The following BPNT1 variants were observed in gnomAD, a reference collection of about 807,000 sequenced individuals.
BPNT1 encodes the protein 3'(2'), 5'-bisphosphate nucleotidase 1, also known as 3'(2'),5'-bisphosphate nucleotidase 1.
A neutral mutation model predicts 36.9 loss-of-function variants in BPNT1; 28 were observed. The observed-to-expected ratio is 0.76, with a 90% CI of 0.56 to 1.04. The LOEUF (loss-of-function observed/expected upper bound fraction) is 1.04, where lower values mean the gene tolerates loss of function less well. Ranked by LOEUF, BPNT1 falls within the 50% of genes least tolerant of loss-of-function variation. The pLI is 0.00. For missense variants in BPNT1, 313 were observed against 372.9 expected (o/e 0.84, Z 1.32); for synonymous variants, 119 against 130.9 (o/e 0.91, Z 0.62).
chr1:220,064,965 G>A (rs1330962231), intron 6 of BPNT1, among the ~76,000 whole-genome samples: 1 of 152,074 alleles, frequency 6.6e-6, no homozygotes, highest in African/African-American at 2.4e-5. Flanking sequence ...ATGCCACCAT[G>A]TCCGGCTAAT....
At position 220,058,736 on chromosome 1, in the gene BPNT1, C is replaced by T. The variant is rs139069201; in HGVS notation, c.*108G>A. The T allele has an allele frequency of 4.8e-4, 549 of 1,143,834 alleles. 2 individuals are homozygous for T. The African/African-American group carries it at 6.9e-3, about 14-fold the overall frequency. The allele number at this position is 1,143,834 out of a possible 1,614,324, so 70.9% of individuals were successfully genotyped here. ...TAGAGATGGGGTCTCACGATATTGC[C>T]CAGGCTGGTCTCAAACTCCTGAGCT... On this transcript the variant is annotated 3_prime_UTR_variant, in exon 9 of 9. Transcript: ENST00000322067.
intron 4 of BPNT1, among the ~76,000 whole-genome samples, chr1:220,072,254 T>G (rs1181192612): frequency 6.6e-6 from 1 of 151,712 alleles, no homozygotes; most frequent in Non-Finnish European, 1.5e-5. Context: ...TCCTAGCTAC[T>G]TGGGAGGCTG....
chr1:220,081,603 C>A (rs920200610), intron 1 of BPNT1, among the ~76,000 whole-genome samples: 1 of 151,870 alleles, frequency 6.6e-6, no homozygotes, highest in African/African-American at 2.4e-5. Context: ...CCTGGATGTA[C>A]CACCCACATT....
chr1:220,066,122 G>A (rs1168134196), intron 6 of BPNT1: 1 of 1,502,094 alleles, frequency 6.7e-7, no homozygotes, highest in Non-Finnish European at 8.9e-7. Context: ...ATTGTTCTGT[G>A]GAAAATGAAT....
chr1:220,073,154 G>T (rs1301595712), intron 3 of BPNT1, among the ~76,000 whole-genome samples, 197 bp from the exon 4 acceptor site: 2 of 152,112 alleles, frequency 1.3e-5, no homozygotes, highest in Non-Finnish European at 2.9e-5. Context: ...TTGACTAAAT[G>T]GTTCCAGTGT....
intron 1 of BPNT1, among the ~76,000 whole-genome samples, chr1:220,084,723 A>G (rs1196282263): frequency 2.0e-5 from 3 of 152,220 alleles, no homozygotes; most frequent in Non-Finnish European, 4.4e-5. Context: ...GTTTTCTTCC[A>G]TGGAAAAACT....
chr1:220,073,878 A>G, intron 3 of BPNT1, 89 bp downstream of exon 3: 7 of 1,097,808 alleles, frequency 6.4e-6, no homozygotes, highest in Non-Finnish European at 9.6e-6. Context: ...GCTTAAAATC[A>G]TAATAGTGGT....
intron 2 of BPNT1, among the ~76,000 whole-genome samples, chr1:220,078,102 A>G (rs1473488128): frequency 6.6e-6 from 1 of 150,760 alleles, no homozygotes; most frequent in South Asian, 2.1e-4. Context: ...TTGAGCCCAG[A>G]GCTTGAGGCT....
intron 1 of BPNT1, among the ~76,000 whole-genome samples, chr1:220,086,464 G>A (rs1165890512): frequency 6.6e-6 from 1 of 151,928 alleles, no homozygotes; most frequent in Non-Finnish European, 1.5e-5. Flanking sequence ...AGTAGAGATG[G>A]GGTTTCACCA....
chr1:220,060,654 C>T, intron 7 of BPNT1, among the ~76,000 whole-genome samples: 1 of 152,102 alleles, frequency 6.6e-6, no homozygotes. Context: ...CATTTCACTA[C>T]CAAAATACAA....
chr1:220,065,825 C>T (rs1293393317), intron 6 of BPNT1, among the ~76,000 whole-genome samples: 3 of 152,132 alleles, frequency 2.0e-5, no homozygotes, highest in Non-Finnish European at 4.4e-5. Flanking sequence ...TGAATACCAC[C>T]AACACAGCTG....
intron 4 of BPNT1, among the ~76,000 whole-genome samples, chr1:220,070,122 C>T (rs1484544343): frequency 6.6e-6 from 1 of 151,970 alleles, no homozygotes; most frequent in Non-Finnish European, 1.5e-5. Context: ...TATATAAGTG[C>T]TGATTTTAAA....
chr1:220,060,816 A>G (rs112918866), intron 7 of BPNT1, among the ~76,000 whole-genome samples: 2,602 of 152,320 alleles, frequency 0.017, 79 homozygotes, highest in African/African-American at 0.059. Flanking sequence ...GGCATGAGAC[A>G]TCAATCAAAT....
chr1:220,083,848 A>G (rs1655452258), intron 1 of BPNT1, among the ~76,000 whole-genome samples: 2 of 152,146 alleles, frequency 1.3e-5, no homozygotes, highest in East Asian at 1.9e-4. Context: ...GGACTTGAGT[A>G]TGTGCAGATT....
At chr1:220,061,480 G>A (rs535138054) in intron 7 of BPNT1, among the ~76,000 whole-genome samples, 1 of 150,358 alleles carries the variant, frequency 6.7e-6, no homozygotes, top group East Asian at 2.0e-4. Flanking sequence ...GTTGCAGTGA[G>A]CCGAGATTGT....
chr1:220,073,235 T>C (rs1345857835), intron 3 of BPNT1, among the ~76,000 whole-genome samples: 1 of 152,192 alleles, frequency 6.6e-6, no homozygotes, highest in African/African-American at 2.4e-5. Context: ...CAAGTGTCTC[T>C]GACAGCAGAT....
chr1:220,084,680 A>G (rs1418082292), intron 1 of BPNT1, among the ~76,000 whole-genome samples: 2 of 152,196 alleles, frequency 1.3e-5, no homozygotes, highest in African/African-American at 4.8e-5. Flanking sequence ...AAATGACTCA[A>G]CTACTTCCCC....
intron 1 of BPNT1, among the ~76,000 whole-genome samples, 169 bp from the exon 2 acceptor site, chr1:220,080,023 G>A (rs1247398139): frequency 3.3e-5 from 5 of 152,144 alleles, no homozygotes; most frequent in African/African-American, 7.2e-5. Flanking sequence ...GAAAAAACTC[G>A]ATTTGGGCAT....
Position 220,062,945 on chromosome 1 carries a change from C to T in BPNT1, c.484G>A (p.Asp162Asn), listed in dbSNP as rs1337220952. Reference sequence around the variant, plus strand: ...CAGATTGTCCTCCCCAACACAGCATCTGGTCCTGCCTGTGTAAACGAGTGA... The same window carrying T: ...CAGATTGTCCTCCCCAACACAGCATTTGGTCCTGCCTGTGTAAACGAGTGA... ...QPYYNYEAGP[D>N]AVLGRTIWGV... The change falls in exon 7 of 9, where the codon GAT becomes AAT. Residue 162 changes from aspartate to asparagine, a missense_variant. Coordinates refer to ENST00000322067, the MANE Select transcript of BPNT1 (RefSeq NM_006085.6). 1.2e-5 allele frequency: 20 copies of T among 1,614,054 alleles called. No individual in the cohort carries two copies. The highest frequency in any genetic ancestry group is 1.6e-5 in the Non-Finnish European group (19 of 1,180,036).
Sources: allele counts gnomAD v4.1 joint callset (sites outside exome capture counted in the v4.1 genomes callset), GRCh38; gene constraint gnomAD v4.1.1; transcripts MANE v1.5; gene names NCBI Gene and HGNC (gene_info 2026-07-23, HGNC 2026-07-21).